Variants in TTC34 observed in about 807,000 individuals in gnomAD.
The protein encoded by TTC34 is tetratricopeptide repeat domain 34, also known as tetratricopeptide repeat protein 34.
In TTC34, 44 loss-of-function variants were observed where a neutral mutation model predicts 40.7. The ratio of observed to expected loss-of-function variants is 1.08; its 90% CI spans 0.85 to 1.39. TTC34 has a LOEUF of 1.39. Among genes scored for constraint, TTC34 ranks in the 40% most tolerant of loss-of-function variants. TTC34 has a pLI of 0.00. For missense variants in TTC34, 884 were observed against 838.0 expected (o/e 1.05, Z -0.68); for synonymous variants, 422 against 398.6 (o/e 1.06, Z -0.70).
intron 2 of TTC34, among the ~76,000 whole-genome samples, chr1:2,795,021 A>G (rs2100634277): frequency 6.6e-6 from 1 of 152,002 alleles, no homozygotes; most frequent in Admixed American, 6.6e-5. Flanking sequence ...ATAACCATCC[A>G]CTGTAAAACT....
intron 6 of TTC34, among the ~76,000 whole-genome samples, chr1:2,653,137 G>A (rs1438709747): frequency 1.3e-5 from 2 of 151,506 alleles, no homozygotes; most frequent in African/African-American, 4.9e-5. Flanking sequence ...CCCCAGGTGC[G>A]CATCTGATGG....
intron 7 of TTC34, 32 bp from the exon 8 acceptor site, chr1:2,644,510 G>A (rs751274089): frequency 6.6e-7 from 1 of 1,521,508 alleles, no homozygotes; most frequent in African/African-American, 1.4e-5. Context: ...CAGTCAGTGT[G>A]TGGGGTTGGG....
chr1:2,656,368 AC>A lies in TTC34; in HGVS notation c.2227-10806del, dbSNP rs1557589942. 3.1e-5 allele frequency among the ~76,000 whole-genome samples: 3 copies of A among 96,026 alleles called. No homozygotes were observed. The East Asian group carries it at 9.7e-4, about 31-fold the overall frequency. The allele number at this position is 96,026 out of a possible 152,430, so 63.0% of individuals were successfully genotyped here. On this transcript the variant is annotated intron_variant, in intron 6 of 8. Transcript: ENST00000401095. ...TGAGCATCTGACAGCCTGGAACAGC[AC>A]CCACACCCACAGGTGAGCATCTGAC...
chr1:2,793,740 G>A (rs1326023734), intron 2 of TTC34, among the ~76,000 whole-genome samples: 1 of 152,172 alleles, frequency 6.6e-6, no homozygotes, highest in Non-Finnish European at 1.5e-5. Flanking sequence ...TTAGATCGAC[G>A]TGGGTCCACT....
chr1:2,699,250 C>G lies in TTC34; in HGVS notation c.2227-53687G>C, dbSNP rs1217361177. Among the ~76,000 whole-genome samples, 339 of 117,480 alleles carry G rather than the reference C, an allele frequency of 2.9e-3. 1 individual carries two copies. Among genetic ancestry groups the G allele is most frequent in the Non-Finnish European group, 4.5e-3 (220 of 49,068 alleles). 77.1% of individuals were successfully genotyped at this position (117,480 alleles called of 152,430 possible). A position where few individuals can be genotyped will look rare whatever the true frequency, so the allele number is the denominator to read the frequency against. On this transcript the variant is annotated intron_variant, in intron 6 of 8. Coordinates refer to ENST00000401095, the Ensembl canonical transcript of TTC34. The stretch of plus-strand genomic sequence containing the variant: ...CTGACCGCCCGGAGCAGCACCCATA[C>G]CCCAAGGCGAGCATCTGAAGTCATG...
intron 6 of TTC34, among the ~76,000 whole-genome samples, chr1:2,657,989 A>G (rs1449565310): frequency 9.1e-6 from 1 of 110,172 alleles, no homozygotes. Flanking sequence ...CACAACCCCA[A>G]GTGAGCATCT....
exon 9 of TTC34, chr1:2,640,025 A>C (rs1264566640): frequency 6.6e-6 from 1 of 152,326 alleles, no homozygotes; most frequent in Non-Finnish European, 1.5e-5. Context: ...ATGATCCCAG[A>C]AGCGAAGTGG....
At chr1:2,790,385 G>A in intron 2 of TTC34, 39 bp from the exon 3 acceptor site, 1 of 398,498 alleles carries the variant, frequency 2.5e-6, no homozygotes, top group African/African-American at 2.1e-5. Flanking sequence ...TGCCTGGGGG[G>A]CCGACTCCCC....
chr1:2,758,458 C>A (rs1251895431), intron 6 of TTC34, among the ~76,000 whole-genome samples: 1 of 84,824 alleles, frequency 1.2e-5, no homozygotes, highest in East Asian at 3.3e-4. Context: ...CACATGACAG[C>A]CTGGAAGAGC....
chr1:2,783,454 C>T (rs963792640), intron 6 of TTC34, among the ~76,000 whole-genome samples, 155 bp downstream of exon 6: 14 of 152,202 alleles, frequency 9.2e-5, no homozygotes, highest in South Asian at 2.1e-4. Context: ...TCCCATGAGC[C>T]GCTGTACAGG....
At chr1:2,790,151 A>ACGT in exon 3 of TTC34, 1 of 398,356 alleles carries the variant, frequency 2.5e-6, no homozygotes, top group Non-Finnish European at 4.4e-6. Flanking sequence ...GGCGAAGCCC[A>ACGT]CGTCCGCGGC....
chr1:2,760,243 C>A (rs1257105975), intron 6 of TTC34, among the ~76,000 whole-genome samples: 71 of 61,786 alleles, frequency 1.1e-3, no homozygotes, highest in African/African-American at 2.6e-3. Flanking sequence ...CACCCACAAC[C>A]CCAGGCGAGC....
intron 6 of TTC34, among the ~76,000 whole-genome samples, chr1:2,752,489 C>T (rs1641355179): frequency 2.0e-5 from 3 of 146,686 alleles, no homozygotes; most frequent in Admixed American, 6.8e-5. Context: ...ACAGCACCCA[C>T]ACAGCCAGGT....
chr1:2,786,436 C>T (rs573794384), intron 4 of TTC34, among the ~76,000 whole-genome samples: 1 of 152,186 alleles, frequency 6.6e-6, no homozygotes, highest in Non-Finnish European at 1.5e-5. Flanking sequence ...GACTGTGTGT[C>T]CCCACCTTGG....
At chr1:2,681,101 C>T (rs1326744313) in intron 6 of TTC34, among the ~76,000 whole-genome samples, 1 of 86,610 alleles carries the variant, frequency 1.2e-5, no homozygotes, top group Non-Finnish European at 2.7e-5. Context: ...GCAGTGCCCA[C>T]ACCCCCAGGT....
Position 2,752,797 on chromosome 1 carries a change from T to C in TTC34, c.2226+30812A>G, listed in dbSNP as rs1453266375. Among the ~76,000 whole-genome samples, 3 of 127,588 alleles carry C rather than the reference T, an allele frequency of 2.4e-5. 1 individual carries two copies. The highest frequency in any genetic ancestry group is 2.3e-4 in the Admixed American group (3 of 12,828). The allele number at this position is 127,588 out of a possible 152,430, so 83.7% of individuals were successfully genotyped here. ...ACGCCCAGATAAGCATGTGACAGCCTGGAACAGCTCCCTGCATCCCCAGGT... is the reference window on the plus strand; with the variant it reads ...ACGCCCAGATAAGCATGTGACAGCCCGGAACAGCTCCCTGCATCCCCAGGT... On this transcript the variant is annotated intron_variant, in intron 6 of 8. Transcript: ENST00000401095.
chr1:2,784,085 C>T (rs1011793813), intron 5 of TTC34, among the ~76,000 whole-genome samples: 2 of 152,038 alleles, frequency 1.3e-5, no homozygotes, highest in African/African-American at 2.4e-5. Flanking sequence ...ACGCGGAGAC[C>T]GGTAGTGGCC....
chr1:2,748,503 C>A (rs1569683200), intron 6 of TTC34, among the ~76,000 whole-genome samples: 8 of 47,450 alleles, frequency 1.7e-4, no homozygotes, highest in East Asian at 8.5e-4. Flanking sequence ...ATCCGATAGC[C>A]TGGAGCAGCA....
intron 6 of TTC34, among the ~76,000 whole-genome samples, chr1:2,687,797 G>C (rs562794962): frequency 6.8e-6 from 1 of 147,956 alleles, no homozygotes; most frequent in South Asian, 2.1e-4. Context: ...GCCTGGGTCG[G>C]CACCCACACC....
Sources: gnomAD v4.1 joint callset for allele counts (sites outside exome capture counted in the v4.1 genomes callset) on GRCh38, gnomAD v4.1.1 for gene constraint, MANE v1.5 for transcripts, NCBI Gene and HGNC (gene_info 2026-07-23, HGNC 2026-07-21) for gene names.